Variants in PDE1C observed in about 807,000 individuals in gnomAD.
PDE1C encodes the protein dual specificity calcium/calmodulin-dependent 3',5'-cyclic nucleotide phosphodiesterase 1C.
In PDE1C, 62 loss-of-function variants were observed where a neutral mutation model predicts 93.1. The observed-to-expected ratio is 0.67, with a 90% confidence interval of 0.54 to 0.82. The LOEUF (loss-of-function observed/expected upper bound fraction) is 0.82. Among genes scored for constraint, PDE1C ranks in the 40% least tolerant of loss-of-function variants. The probability of loss-of-function intolerance (pLI) is 0.00; values close to 1 mark genes in which losing one functional copy is unlikely to be tolerated. For synonymous variants in PDE1C, 325 were observed against 310.1 expected (o/e 1.05, Z -0.50); for missense variants, 742 against 884.6 (o/e 0.84, Z 2.04).
chr7:32,346,079 C>T (rs1448910403), intron 1 of PDE1C, among the ~76,000 whole-genome samples: 1 of 152,186 alleles, frequency 6.6e-6, no homozygotes, highest in Non-Finnish European at 1.5e-5. Flanking sequence ...ACCTAAATGT[C>T]CATTATTTGG....
At chr7:31,956,968 G>C (rs1808235262) in intron 2 of PDE1C, among the ~76,000 whole-genome samples, 1 of 151,806 alleles carries the variant, frequency 6.6e-6, no homozygotes, top group African/African-American at 2.4e-5. Flanking sequence ...TAATAAGGCT[G>C]CCTCATTTCT....
At chr7:31,885,240 A>G (rs911072798) in intron 2 of PDE1C, among the ~76,000 whole-genome samples, 3 of 152,186 alleles carry the variant, frequency 2.0e-5, no homozygotes, top group African/African-American at 7.2e-5. Flanking sequence ...TAATAATAAT[A>G]TTAATAAGAT....
At chr7:31,806,327 T>C (rs1032593372) in intron 16 of PDE1C, among the ~76,000 whole-genome samples, 3 of 151,982 alleles carry the variant, frequency 2.0e-5, no homozygotes, top group African/African-American at 7.2e-5. Flanking sequence ...GCTATGTTAT[T>C]ACAAACATGA....
intron 6 of PDE1C, among the ~76,000 whole-genome samples, chr7:31,871,755 G>A (rs1795978271): frequency 1.3e-5 from 2 of 151,508 alleles, no homozygotes; most frequent in South Asian, 4.1e-4. Context: ...TACAACGTTG[G>A]TGGGAATGTA....
At chr7:32,382,397 T>C (rs184095569) in intron 1 of PDE1C, among the ~76,000 whole-genome samples, 13 of 152,280 alleles carry the variant, frequency 8.5e-5, no homozygotes, top group African/African-American at 2.6e-4. Context: ...GGCTCTGTCT[T>C]GGCCCCCCTA....
At chr7:31,797,834 C>T (rs1035626724) in intron 16 of PDE1C, among the ~76,000 whole-genome samples, 1 of 151,526 alleles carries the variant, frequency 6.6e-6, no homozygotes. Context: ...TGAAAGTGAA[C>T]AAGAATAATA....
chr7:32,101,669 T>C (rs1798044466), intron 3 of PDE1C, among the ~76,000 whole-genome samples: 1 of 152,228 alleles, frequency 6.6e-6, no homozygotes, highest in African/African-American at 2.4e-5. Context: ...GAGCAGATGT[T>C]AGCACAATGC....
At chr7:32,046,595 T>C (rs1453491661) in intron 2 of PDE1C, among the ~76,000 whole-genome samples, 1 of 152,192 alleles carries the variant, frequency 6.6e-6, no homozygotes, top group East Asian at 1.9e-4. Flanking sequence ...TATATAGCAA[T>C]ATACTATAGT....
chr7:31,854,195 C>G (rs1417679759), intron 7 of PDE1C, among the ~76,000 whole-genome samples: 1 of 152,128 alleles, frequency 6.6e-6, no homozygotes, highest in Non-Finnish European at 1.5e-5. Context: ...CCTAGCCTCA[C>G]TGAGTGGCTA....
intron 1 of PDE1C, among the ~76,000 whole-genome samples, chr7:32,232,937 G>T (rs1807812703): frequency 6.6e-6 from 1 of 152,130 alleles, no homozygotes; most frequent in Non-Finnish European, 1.5e-5. Flanking sequence ...TTCTACATAA[G>T]ATTTAAACAA....
At position 31,900,843 on chromosome 7, in the gene PDE1C, C is replaced by G. The variant is rs1799888170; in HGVS notation, c.129-19983G>C. On this transcript the variant is annotated intron_variant, in intron 2 of 17. Coordinates refer to ENST00000396191, the MANE Select transcript of PDE1C (RefSeq NM_001191057.4). ...GTTTAATAAGTTCTTCAGATTCATG[C>G]TACCAAGAATGGTTCAATATTTTAA... 2.0e-5 allele frequency among the ~76,000 whole-genome samples: 3 copies of G among 151,646 alleles called. No homozygotes were observed. In the South Asian group the frequency reaches 6.2e-4, roughly 31 times the overall value.
chr7:32,399,987 A>G (rs969705621), intron 1 of PDE1C, among the ~76,000 whole-genome samples: 1 of 152,128 alleles, frequency 6.6e-6, no homozygotes, highest in Non-Finnish European at 1.5e-5. Context: ...TGCAGGGAGG[A>G]TACAGTTCTG....
chr7:31,953,664 T>C (rs1807719430), intron 2 of PDE1C, among the ~76,000 whole-genome samples: 1 of 152,172 alleles, frequency 6.6e-6, no homozygotes, highest in South Asian at 2.1e-4. Context: ...GAAATGCATG[T>C]TGACAGCAGA....
chr7:32,213,572 C>G (rs181225216), intron 1 of PDE1C, among the ~76,000 whole-genome samples: 4 of 152,218 alleles, frequency 2.6e-5, no homozygotes, highest in African/African-American at 9.6e-5. Flanking sequence ...TCCAACAGCA[C>G]GCTGCAGGCC....
At chr7:31,836,829 C>T (rs1262266277) in intron 11 of PDE1C, among the ~76,000 whole-genome samples, 1 of 152,008 alleles carries the variant, frequency 6.6e-6, no homozygotes, top group Admixed American at 6.6e-5. Flanking sequence ...TCAAGATTAA[C>T]ATCTTAATCC....
chr7:31,950,669 A>G (rs1807243907), intron 2 of PDE1C, among the ~76,000 whole-genome samples: 1 of 152,208 alleles, frequency 6.6e-6, no homozygotes, highest in Admixed American at 6.5e-5. Context: ...TCATTAATTT[A>G]AGTAAACCGT....
chr7:32,195,701 A>AAAT lies in PDE1C; in HGVS notation c.136+13785_136+13787dup, dbSNP rs546304929. Among the ~76,000 whole-genome samples the AAAT allele has an allele frequency of 2.4e-3, 367 of 152,186 alleles. 2 individuals carry two copies. Among genetic ancestry groups the AAAT allele is most frequent in the African/African-American group, 7.8e-3 (322 of 41,520 alleles). On this transcript the variant is annotated intron_variant, in intron 2 of 18. Coordinates refer to the PDE1C transcript ENST00000396193. Reference sequence around the variant, plus strand: ...ACCCTGTCTCAAATTTTTAAAAATAAAATAATAATAATAATAATGAATTTT... The same window carrying AAAT: ...ACCCTGTCTCAAATTTTTAAAAATAAAATAATAATAATAATAATAATGAATTTT...
intron 1 of PDE1C, among the ~76,000 whole-genome samples, chr7:32,271,882 GAAGGGAAGAC>G (rs374400007): frequency 2.7e-4 from 41 of 152,308 alleles, no homozygotes; most frequent in Non-Finnish European, 4.9e-4. Flanking sequence ...AAGATGCCAT[GAAGGGAAGAC>G]TTTGGGGAGA....
At chr7:32,425,571 T>A (rs10246687) in intron 1 of PDE1C, among the ~76,000 whole-genome samples, 27,471 of 152,090 alleles carry the variant, frequency 0.18, 2,624 homozygotes, top group East Asian at 0.3. Flanking sequence ...CCAGAACGAA[T>A]CTAATTCAAT....
Sources: gnomAD v4.1 joint callset for allele counts (sites outside exome capture counted in the v4.1 genomes callset) on GRCh38, gnomAD v4.1.1 for gene constraint, MANE v1.5 for transcripts, NCBI Gene and HGNC (gene_info 2026-07-23, HGNC 2026-07-21) for gene names.